RANBP2: variants seen among roughly 807,000 people sequenced by gnomAD.
RANBP2 encodes E3 SUMO-protein ligase RanBP2.
A neutral mutation model predicts 303.6 loss-of-function variants in RANBP2; 57 were observed. The ratio of observed to expected loss-of-function variants is 0.19; its 90% CI spans 0.15 to 0.23. The LOEUF (loss-of-function observed/expected upper bound fraction) is 0.23. Among genes scored for constraint, RANBP2 ranks in the 10% least tolerant of loss-of-function variants. RANBP2 has a pLI of 1.00. For synonymous variants in RANBP2, 1,167 were observed against 1,301.5 expected (o/e 0.90, Z 2.23); for missense variants, 3,138 against 3,780.8 (o/e 0.83, Z 4.46).
the RANBP2 span, among the ~76,000 whole-genome samples, chr2:109,299,108 T>C: frequency 5.9e-5 from 9 of 152,154 alleles, no homozygotes; most frequent in African/African-American, 2.2e-4. Flanking sequence ...CCCAGGGCAT[T>C]TGCAGATGAG....
the RANBP2 span, among the ~76,000 whole-genome samples, chr2:109,414,501 C>T: frequency 5.9e-5 from 9 of 152,124 alleles, no homozygotes; most frequent in East Asian, 3.9e-4. Flanking sequence ...TCAATGGACA[C>T]GAGGAGCAAT....
chr2:108,841,072 G>A, the RANBP2 span, among the ~76,000 whole-genome samples: 2 of 152,052 alleles, frequency 1.3e-5, no homozygotes, highest in Admixed American at 6.6e-5. Context: ...TTGACCTCAA[G>A]TGATCTGCCC....
the RANBP2 span, among the ~76,000 whole-genome samples, chr2:109,334,339 C>T: frequency 2.0e-5 from 2 of 99,414 alleles, no homozygotes; most frequent in South Asian, 3.7e-4. Context: ...GATTGGGTGA[C>T]AGTTTTTTTT....
At chr2:109,042,904 A>G in the RANBP2 span, among the ~76,000 whole-genome samples, 2 of 152,268 alleles carry the variant, frequency 1.3e-5, no homozygotes, top group African/African-American at 4.8e-5. Context: ...TAATAACTAC[A>G]CACATATTTG....
At chr2:109,614,254 CGGGGAGCGGAAGT>C in the RANBP2 span, 1 of 681,542 alleles carries the variant, frequency 1.5e-6, no homozygotes, top group African/African-American at 1.9e-5. Flanking sequence ...GCCGAGACAG[CGGGGAGCGGAAGT>C]GGGCGTGGCC....
the RANBP2 span, among the ~76,000 whole-genome samples, chr2:108,994,746 G>A: frequency 1.3e-5 from 2 of 150,454 alleles, no homozygotes; most frequent in Non-Finnish European, 3.0e-5. Context: ...TAAAAGCAGG[G>A]AAGTATGGGT....
the RANBP2 span, among the ~76,000 whole-genome samples, chr2:109,227,882 A>G: frequency 2.0e-5 from 3 of 152,176 alleles, no homozygotes; most frequent in Admixed American, 2.0e-4. Context: ...TTTGTCTGCA[A>G]CTGCAGTTCC....
the RANBP2 span, among the ~76,000 whole-genome samples, chr2:109,732,105 G>A: frequency 2.6e-5 from 4 of 152,144 alleles, no homozygotes; most frequent in Non-Finnish European, 2.9e-5. Context: ...AGATTCACCC[G>A]CCTCAGCTTC....
the RANBP2 span, among the ~76,000 whole-genome samples, chr2:109,725,614 G>T: frequency 6.6e-6 from 1 of 152,214 alleles, no homozygotes; most frequent in Non-Finnish European, 1.5e-5. Flanking sequence ...CAGTCTTCTT[G>T]CTGAGGACTC....
the RANBP2 span, among the ~76,000 whole-genome samples, chr2:109,600,837 C>G: frequency 6.6e-6 from 1 of 152,268 alleles, no homozygotes; most frequent in Non-Finnish European, 1.5e-5. Flanking sequence ...AGGGTCCCCA[C>G]AACCCCCATC....
At chr2:109,671,458 C>T in the RANBP2 span, among the ~76,000 whole-genome samples, 13 of 152,130 alleles carry the variant, frequency 8.5e-5, no homozygotes, top group Admixed American at 2.0e-4. Context: ...CTTCAGGGTT[C>T]GGCTGGCCTG....
the RANBP2 span, among the ~76,000 whole-genome samples, chr2:109,481,231 C>T: frequency 1.3e-5 from 2 of 152,306 alleles, no homozygotes; most frequent in East Asian, 3.9e-4. Context: ...GCGAGGGTCC[C>T]CCCACACAGG....
At chr2:109,602,681 A>T in the RANBP2 span, among the ~76,000 whole-genome samples, 2,768 of 127,138 alleles carry the variant, frequency 0.022, 39 homozygotes, top group Non-Finnish European at 0.032. Context: ...ATCTCAAATT[A>T]AAAAAAAAAA....
the RANBP2 span, chr2:109,616,342 G>A: frequency 0.15 from 43,191 of 280,518 alleles, 3,861 homozygotes; most frequent in African/African-American, 0.27. Context: ...TCTAAATTGG[G>A]GGAACAGAAT....
chr2:109,484,897 T>C, the RANBP2 span, among the ~76,000 whole-genome samples: 4 of 152,178 alleles, frequency 2.6e-5, no homozygotes, highest in African/African-American at 9.7e-5. Flanking sequence ...GACAACTATC[T>C]CCCCAGTCTC....
chr2:109,228,184 A>G, the RANBP2 span, among the ~76,000 whole-genome samples: 1 of 152,176 alleles, frequency 6.6e-6, no homozygotes, highest in East Asian at 1.9e-4. Flanking sequence ...CTACTTGCTT[A>G]TAATACTGTC....
chr2:109,614,670 A>G, the RANBP2 span: 8 of 1,482,872 alleles, frequency 5.4e-6, no homozygotes, highest in Non-Finnish European at 7.1e-6. Context: ...GGAGCTGGTG[A>G]ACGCCGTGGC....
At chr2:108,889,367 A>C in the RANBP2 span, among the ~76,000 whole-genome samples, 1 of 152,142 alleles carries the variant, frequency 6.6e-6, no homozygotes, top group East Asian at 1.9e-4. Flanking sequence ...GAGGTGATCT[A>C]TCTAATGCTG....
chr2:108,865,969 C>G, the RANBP2 span, among the ~76,000 whole-genome samples: 1 of 152,120 alleles, frequency 6.6e-6, no homozygotes, highest in Non-Finnish European at 1.5e-5. Flanking sequence ...TAGGGTACCT[C>G]TTTCTCTTCC....
Sources: gnomAD v4.1 joint callset for allele counts (sites outside exome capture counted in the v4.1 genomes callset) on GRCh38, gnomAD v4.1.1 for gene constraint, MANE v1.5 for transcripts, NCBI Gene and HGNC (gene_info 2026-07-23, HGNC 2026-07-21) for gene names.